IRAK3: variants seen among roughly 807,000 people sequenced by gnomAD.
IRAK3 encodes interleukin-1 receptor-associated kinase 3.
A neutral mutation model predicts 56.6 loss-of-function variants in IRAK3; 57 were observed. That is an observed-to-expected ratio of 1.01 (90% CI 0.81 to 1.26). IRAK3 has a LOEUF of 1.26. Among genes scored for constraint, IRAK3 ranks in the 50% most tolerant of loss-of-function variants. The pLI, the probability that IRAK3 is intolerant of heterozygous loss-of-function variation, is 0.00. For missense variants in IRAK3, 703 were observed against 719.0 expected (o/e 0.98, Z 0.25); for synonymous variants, 258 against 255.7 (o/e 1.01, Z -0.09).
In IRAK3 at chr12:66,226,819, T is replaced by G. The variant is rs1233398141; in HGVS notation, c.750T>G (p.Phe250Leu). 7 of 1,583,326 alleles carry G rather than the reference T, an allele frequency of 4.4e-6. No homozygotes were observed. The highest frequency in any genetic ancestry group is 8.7e-7 in the Non-Finnish European group (1 of 1,152,042). ...IYPYMRNGTL[F>L]DRLQCVGDTA... ...CATACATGAGAAATGGAACACTTTTTGACAGATTGCAGTGTGTAGTAAGTT... is the reference window on the plus strand; with the variant it reads ...CATACATGAGAAATGGAACACTTTTGGACAGATTGCAGTGTGTAGTAAGTT... The change falls in exon 7 of 12, where the codon TTT (phenylalanine) becomes TTG (leucine). Residue 250 changes from phenylalanine (F) to leucine (L), a missense_variant. Physicochemically the swap from Phe to Leu is conservative, Grantham distance 22. Transcript: ENST00000261233.
intron 6 of IRAK3, among the ~76,000 whole-genome samples, chr12:66,224,742 A>G (rs2052768711): frequency 6.6e-6 from 1 of 152,232 alleles, no homozygotes. Flanking sequence ...GAGCGATTAA[A>G]TAACTTGCCC....
At chr12:66,234,034 C>G (rs1592597926) in intron 8 of IRAK3, 2 of 1,604,412 alleles carry the variant, frequency 1.2e-6, no homozygotes, top group Non-Finnish European at 1.7e-6. Flanking sequence ...GCCTTCACAC[C>G]CTTCTTCATG....
At chr12:66,206,619 G>A (rs1454133627) in intron 2 of IRAK3, among the ~76,000 whole-genome samples, 1 of 152,128 alleles carries the variant, frequency 6.6e-6, no homozygotes, top group Non-Finnish European at 1.5e-5. Flanking sequence ...GATTCAGTTT[G>A]CCAGTATTTT....
chr12:66,240,296 T>G (rs2052953395), intron 8 of IRAK3, among the ~76,000 whole-genome samples: 1 of 152,116 alleles, frequency 6.6e-6, no homozygotes, highest in Non-Finnish European at 1.5e-5. Flanking sequence ...GTTTCACAAT[T>G]AAAGGAGGAA....
chr12:66,252,724 C>T lies in IRAK3; in HGVS notation c.*4553C>T, dbSNP rs2053112878. 1 of 152,268 alleles carries T rather than the reference C, an allele frequency of 6.6e-6. No homozygotes were observed. The highest frequency in any genetic ancestry group is 2.4e-5 in the African/African-American group (1 of 41,460). 9.4% of individuals were successfully genotyped at this position (152,268 alleles called of 1,614,324 possible). A position where few individuals can be genotyped will look rare whatever the true frequency, so the allele number is the denominator to read the frequency against. ...CTGTCATAGGTCCTGGCTCCTCTGC[C>T]AGCTCTTCCAAATGGGTTCAGAGAG... On this transcript the variant is annotated 3_prime_UTR_variant, in exon 12 of 12. Coordinates refer to ENST00000261233, the MANE Select transcript of IRAK3 (RefSeq NM_007199.3).
chr12:66,237,606 C>T (rs1266919752), intron 8 of IRAK3, among the ~76,000 whole-genome samples: 1 of 152,118 alleles, frequency 6.6e-6, no homozygotes, highest in African/African-American at 2.4e-5. Flanking sequence ...TGCTATTAAG[C>T]GGTTTTGCAT....
chr12:66,215,790 A>ACGTGCGCGCGCGTGCGCG (rs1225435769), intron 5 of IRAK3, among the ~76,000 whole-genome samples: 1 of 103,090 alleles, frequency 9.7e-6, no homozygotes, highest in African/African-American at 3.1e-5. Context: ...CAACATGCAC[A>ACGTGCGCGCGCGTGCGCG]CACACACACA....
At chr12:66,198,784 C>T (rs1224776415) in intron 1 of IRAK3, among the ~76,000 whole-genome samples, 1 of 141,632 alleles carries the variant, frequency 7.1e-6, no homozygotes, top group African/African-American at 2.7e-5. Flanking sequence ...GAGGCAGAGT[C>T]TCACTCTGTC....
chr12:66,230,214 C>T (rs889124244), intron 8 of IRAK3, among the ~76,000 whole-genome samples: 1 of 152,298 alleles, frequency 6.6e-6, no homozygotes, highest in Non-Finnish European at 1.5e-5. Flanking sequence ...AGAGCACAGG[C>T]TTTGGGCCCT....
chr12:66,221,048 C>A (rs1472304105), intron 6 of IRAK3, among the ~76,000 whole-genome samples: 2 of 152,164 alleles, frequency 1.3e-5, no homozygotes, highest in Non-Finnish European at 2.9e-5. Context: ...TTTCTTTCAT[C>A]AGTGTCCTAT....
At position 66,212,527 on chromosome 12, in the gene IRAK3, T is replaced by G. The variant is rs75261144; in HGVS notation, c.588+930T>G. ...TTACTAAACTCTTATATGGACTGGG[T>G]GCTGAGCATGTAGAGATGAATAAGG... On this transcript the variant is annotated intron_variant, in intron 5 of 11. Transcript: ENST00000261233. Among the ~76,000 whole-genome samples, 42 of 152,270 alleles carry G rather than the reference T, an allele frequency of 2.8e-4. No homozygotes were observed. In the East Asian group the frequency reaches 3.1e-3, roughly 11 times the overall value.
chr12:66,197,023 A>G (rs1363584926), intron 1 of IRAK3: 9 of 1,529,688 alleles, frequency 5.9e-6, no homozygotes, highest in African/African-American at 4.1e-5. Context: ...GCATATGGAG[A>G]CGTGATTTCT....
At chr12:66,232,889 TGGA>T (rs1162827043) in intron 8 of IRAK3, among the ~76,000 whole-genome samples, 2 of 152,142 alleles carry the variant, frequency 1.3e-5, no homozygotes. Context: ...CTGTTTTTAT[TGGA>T]GGAGTGAACA....
chr12:66,237,381 G>A (rs1180611818), intron 8 of IRAK3, among the ~76,000 whole-genome samples: 1 of 152,150 alleles, frequency 6.6e-6, no homozygotes, highest in Non-Finnish European at 1.5e-5. Context: ...CTTCTTTTCT[G>A]TGGAGCTAAA....
chr12:66,209,471 C>T lies in IRAK3; in HGVS notation c.332C>T (p.Pro111Leu). 1 of 1,605,826 alleles carries T rather than the reference C, an allele frequency of 6.2e-7. No homozygotes were observed. Among genetic ancestry groups the T allele is most frequent in the Non-Finnish European group, 8.5e-7 (1 of 1,172,808 alleles). ...LITNYGAVLS[P>L]SEKSYQEGGF... ...TCTCTTTCAGGAGCAGTGTTGAGTCCTTCAGAGAAGAGTTATCAGGAAGGT... is the reference window on the plus strand; with the variant it reads ...TCTCTTTCAGGAGCAGTGTTGAGTCTTTCAGAGAAGAGTTATCAGGAAGGT... Residue 111 changes from proline to leucine, a missense_variant, in exon 3 of 12, where the codon CCT (proline) becomes CTT (leucine). Physicochemically the swap from Pro to Leu is moderately conservative, Grantham distance 98 (BLOSUM62 -3). Transcript: ENST00000261233.
At chr12:66,239,505 G>A (rs773829350) in intron 8 of IRAK3, among the ~76,000 whole-genome samples, 1 of 152,166 alleles carries the variant, frequency 6.6e-6, no homozygotes, top group Non-Finnish European at 1.5e-5. Context: ...GGGAAGGTTG[G>A]AGCCCAGCTC....
intron 6 of IRAK3, among the ~76,000 whole-genome samples, chr12:66,226,137 A>G (rs1163510689): frequency 6.6e-6 from 1 of 152,200 alleles, no homozygotes; most frequent in Non-Finnish European, 1.5e-5. Context: ...ACAAATCTTT[A>G]AAAATCTTTA....
chr12:66,214,117 G>A (rs2052641155), intron 5 of IRAK3, among the ~76,000 whole-genome samples: 1 of 152,110 alleles, frequency 6.6e-6, no homozygotes, highest in Non-Finnish European at 1.5e-5. Context: ...AAGTCTGTGG[G>A]TGATTTTTAA....
At chr12:66,222,106 A>T (rs2052740167) in intron 6 of IRAK3, among the ~76,000 whole-genome samples, 1 of 152,310 alleles carries the variant, frequency 6.6e-6, no homozygotes, top group South Asian at 2.1e-4. Flanking sequence ...TTTTGTATCT[A>T]TGGCCATCAT....
Sources: gnomAD v4.1 joint callset for allele counts (sites outside exome capture counted in the v4.1 genomes callset) on GRCh38, gnomAD v4.1.1 for gene constraint, MANE v1.5 for transcripts, NCBI Gene and HGNC (gene_info 2026-07-23, HGNC 2026-07-21) for gene names.